Variants in AGBL1 observed in about 807,000 individuals in gnomAD.
AGBL1 encodes the protein AGBL carboxypeptidase 1.
Under a neutral mutation model 118.9 loss-of-function variants are expected in AGBL1, and 130 were observed. The observed-to-expected ratio is 1.09, with a 90% CI of 0.95 to 1.26. The LOEUF (loss-of-function observed/expected upper bound fraction) is 1.26, where lower values mean the gene tolerates loss of function less well. AGBL1 is among the 50% of genes most tolerant of loss of function. The probability of loss-of-function intolerance (pLI) is 0.00; values close to 1 mark genes in which losing one functional copy is unlikely to be tolerated. For synonymous variants in AGBL1, 555 were observed against 478.9 expected, an observed-to-expected ratio of 1.16 and a Z score of -2.08; for missense variants, 1,584 against 1,298.1, an observed-to-expected ratio of 1.22 and a Z score of -3.38.
intron 6 of AGBL1, among the ~76,000 whole-genome samples, chr15:86,242,777 TC>T (rs1351913505): frequency 1.3e-5 from 2 of 152,208 alleles, no homozygotes; most frequent in Non-Finnish European, 2.9e-5. Flanking sequence ...GATAACAACT[TC>T]CTTTAGTTTT....
At chr15:86,722,238 G>A (rs138094431) in intron 22 of AGBL1, among the ~76,000 whole-genome samples, 48,320 of 151,988 alleles carry the variant, frequency 0.32, 9,103 homozygotes, top group Non-Finnish European at 0.42. Flanking sequence ...GAGGCATCAC[G>A]CTACCTGACT....
rs1317859009 is a variant in AGBL1, at chr15:86,142,034, A to G, written c.82A>G (p.Ile28Val). The change falls in exon 2 of 23, where the codon ATC becomes GTC. Residue 28 changes from isoleucine to valine, a missense_variant. Ile to Val is a conservative substitution (Grantham distance 29, BLOSUM62 3). Transcript: ENST00000614907. ...SSSDKESILT[I>V]LKVLGDLLSV... is the part of the protein sequence containing the mutation. ...CTCTGACAAGGAGTCCATCCTGACC[A>G]TCCTCAAGGTCCTCGGAGATCTGCT... The G allele has an allele frequency of 6.5e-7, 1 of 1,550,180 alleles. No individual in the cohort carries two copies. The highest frequency in any genetic ancestry group is 2.0e-5 in the Admixed American group (1 of 50,976).
chr15:86,596,742 C>T (rs2084412339), intron 21 of AGBL1, among the ~76,000 whole-genome samples: 1 of 152,156 alleles, frequency 6.6e-6, no homozygotes, highest in African/African-American at 2.4e-5. Flanking sequence ...TAAATCCTAC[C>T]TTGACTGTTC....
chr15:86,854,525 C>T (rs1245284660), intron 22 of AGBL1, among the ~76,000 whole-genome samples: 1 of 152,228 alleles, frequency 6.6e-6, no homozygotes, highest in East Asian at 1.9e-4. Context: ...TCATCTATGT[C>T]CCAAATAAAC....
intron 3 of AGBL1, among the ~76,000 whole-genome samples, chr15:86,149,177 C>T (rs1041935011): frequency 2.0e-5 from 3 of 152,124 alleles, no homozygotes; most frequent in African/African-American, 7.2e-5. Context: ...AAAAACATGC[C>T]AAATTGTAAA....
chr15:87,006,515 T>C lies in AGBL1; in HGVS notation c.3323+18427T>C, dbSNP rs142935303. Among the ~76,000 whole-genome samples the C allele has an allele frequency of 2.8e-4, 42 of 152,316 alleles. No homozygotes were observed. In the East Asian group the frequency reaches 6.8e-3, roughly 25 times the overall value. On this transcript the variant is annotated intron_variant, in intron 24 of 24. Coordinates refer to the AGBL1 transcript ENST00000441037. The stretch of plus-strand genomic sequence containing the variant: ...CCAGGCACGGGGTATAATCTCCTGG[T>C]GTGCTGTTTGCTAAGATTATTGGAA...
intron 22 of AGBL1, among the ~76,000 whole-genome samples, chr15:86,706,266 AT>A (rs2086448047): frequency 6.6e-6 from 1 of 152,104 alleles, no homozygotes; most frequent in Non-Finnish European, 1.5e-5. Flanking sequence ...AACTTAAAAA[AT>A]ATTTTGAAAA....
At chr15:86,479,561 A>G (rs901482065) in intron 18 of AGBL1, among the ~76,000 whole-genome samples, 5 of 152,234 alleles carry the variant, frequency 3.3e-5, no homozygotes, top group Non-Finnish European at 7.3e-5. Context: ...AATGGTGATC[A>G]TTAAAAAGTC....
At position 86,959,012 on chromosome 15, in the gene AGBL1, C is replaced by A. The variant is rs1016425193; in HGVS notation, c.3222-28975C>A. On this transcript the variant is annotated intron_variant, in intron 23 of 24. Transcript: ENST00000441037. Reference sequence around the variant, plus strand: ...AATAATATATACTGTTTATAGTTGCCTACAAATGTAGTAAGTACACAGAAT... The same window carrying A: ...AATAATATATACTGTTTATAGTTGCATACAAATGTAGTAAGTACACAGAAT... 7.2e-5 allele frequency among the ~76,000 whole-genome samples: 11 copies of A among 152,018 alleles called. 1 individual carries two copies. Among genetic ancestry groups the A allele is most frequent in the Non-Finnish European group, 1.3e-4 (9 of 67,968 alleles).
chr15:86,934,155 C>A (rs954986176), intron 23 of AGBL1, among the ~76,000 whole-genome samples: 2 of 152,166 alleles, frequency 1.3e-5, no homozygotes, highest in African/African-American at 4.8e-5. Context: ...TTATGATAAA[C>A]AGCTAAAAGC....
intron 18 of AGBL1, among the ~76,000 whole-genome samples, chr15:86,513,306 T>C (rs1480748197): frequency 6.6e-6 from 1 of 151,966 alleles, no homozygotes; most frequent in Non-Finnish European, 1.5e-5. Context: ...GAATATCCCT[T>C]GAATTGGGTT....
intron 6 of AGBL1, among the ~76,000 whole-genome samples, chr15:86,245,221 A>G (rs554451186): frequency 3.0e-4 from 45 of 152,330 alleles, no homozygotes; most frequent in Non-Finnish European, 5.6e-4. Flanking sequence ...GGAATAAAGC[A>G]TTACATTTCC....
intron 5 of AGBL1, among the ~76,000 whole-genome samples, chr15:86,221,302 T>C (rs998104172): frequency 2.0e-5 from 3 of 152,174 alleles, no homozygotes; most frequent in African/African-American, 7.2e-5. Flanking sequence ...GAAGGCAGTC[T>C]TGCACTCCAA....
chr15:86,754,927 C>T (rs1029847688), intron 22 of AGBL1, among the ~76,000 whole-genome samples: 12 of 152,112 alleles, frequency 7.9e-5, no homozygotes, highest in Admixed American at 2.6e-4. Flanking sequence ...CCTTTGCTTT[C>T]GATTTCATTT....
In AGBL1 at chr15:86,386,549, T is replaced by C. The variant is rs375662964; in HGVS notation, c.2375-10817T>C. ...TGGTACCCTTTTCCTCACATACTCT[T>C]TGCCATCCCCACTTAAATTCATTTC... On this transcript the variant is annotated intron_variant, in intron 17 of 22. Transcript: ENST00000614907. Among the ~76,000 whole-genome samples, 214 of 151,878 alleles carry C rather than the reference T, an allele frequency of 1.4e-3. 1 individual carries two copies. Among genetic ancestry groups the C allele is most frequent in the African/African-American group, 5.0e-3 (209 of 41,432 alleles).
intron 17 of AGBL1, among the ~76,000 whole-genome samples, chr15:86,321,245 C>A (rs561724655): frequency 1.3e-3 from 198 of 152,194 alleles, no homozygotes; most frequent in African/African-American, 4.6e-3. Context: ...CTTGTGAGAA[C>A]TTTTTAACCT....
At chr15:87,020,101 G>C (rs1052221713) in intron 24 of AGBL1, among the ~76,000 whole-genome samples, 7 of 151,934 alleles carry the variant, frequency 4.6e-5, no homozygotes, top group African/African-American at 1.7e-4. Flanking sequence ...AATAAGTTCT[G>C]ATATTGAGGC....
chr15:86,436,029 A>G (rs184720205), intron 18 of AGBL1, among the ~76,000 whole-genome samples: 116 of 151,102 alleles, frequency 7.7e-4, no homozygotes, highest in African/African-American at 2.8e-3. Flanking sequence ...TTTCCCTAAG[A>G]TGGTACTTCA....
At chr15:86,546,263 C>A in intron 20 of AGBL1, 130 bp downstream of exon 20, 3 of 1,104,522 alleles carry the variant, frequency 2.7e-6, no homozygotes, top group Non-Finnish European at 3.6e-6. Context: ...ATTATTCTAA[C>A]CATAGGATTG....
Sources: allele counts gnomAD v4.1 joint callset (sites outside exome capture counted in the v4.1 genomes callset), GRCh38; gene constraint gnomAD v4.1.1; transcripts MANE v1.5; gene names NCBI Gene and HGNC (gene_info 2026-07-23, HGNC 2026-07-21).